CCDC42: variants seen among roughly 807,000 people sequenced by gnomAD.
CCDC42 encodes coiled-coil domain containing 42.
In CCDC42, 38 loss-of-function variants were observed where a neutral mutation model predicts 40.8. The ratio of observed to expected loss-of-function variants is 0.93; its 90% CI spans 0.72 to 1.22. The LOEUF is 1.22. CCDC42 is among the 50% of genes most tolerant of loss of function. CCDC42 has a pLI of 0.00. For synonymous variants in CCDC42, 135 were observed against 157.5 expected (o/e 0.86, Z 1.07); for missense variants, 379 against 416.5 (o/e 0.91, Z 0.78).
chr17:8,734,668 T>C (rs752768739), intron 6 of CCDC42, among the ~76,000 whole-genome samples: 15 of 152,112 alleles, frequency 9.9e-5, no homozygotes, highest in Non-Finnish European at 1.9e-4. Flanking sequence ...CAATTTCTCT[T>C]TTTAACGAAG....
chr17:8,733,472 T>A (rs942646767), intron 6 of CCDC42, among the ~76,000 whole-genome samples: 10 of 152,094 alleles, frequency 6.6e-5, no homozygotes, highest in African/African-American at 2.4e-4. Flanking sequence ...CCTGTGGGAG[T>A]GAGCTGCTGG....
intron 3 of CCDC42, among the ~76,000 whole-genome samples, chr17:8,742,567 C>T (rs2086651935): frequency 1.3e-5 from 2 of 152,190 alleles, no homozygotes; most frequent in South Asian, 2.1e-4. Context: ...CCTTCAGGGG[C>T]TCCTGTGATT....
At position 8,740,877 on chromosome 17, in the gene CCDC42, A is replaced by G. The variant is rs529391125; in HGVS notation, c.492+597T>C. Reference sequence around the variant, plus strand: ...CGGAGCCTCCATTTCCTTCTCTGTAAAAGGCTGATCAGCTTGGGTTCACCC... The same window carrying G: ...CGGAGCCTCCATTTCCTTCTCTGTAGAAGGCTGATCAGCTTGGGTTCACCC... On this transcript the variant is annotated intron_variant, in intron 4 of 6. Coordinates refer to ENST00000293845, the MANE Select transcript of CCDC42 (RefSeq NM_144681.3). Among the ~76,000 whole-genome samples the G allele has an allele frequency of 7.9e-5, 12 of 152,232 alleles. No homozygotes were observed. In the South Asian group the frequency reaches 2.5e-3, roughly 32 times the overall value.
Position 8,744,096 on chromosome 17 carries a change from T to C in CCDC42, c.172A>G (p.Met58Val), listed in dbSNP as rs777814153. 5.4e-5 allele frequency: 87 copies of C among 1,611,910 alleles called. No individual in the cohort carries two copies. The East Asian group carries it at 1.9e-3, about 34-fold the overall frequency. Residue 58 changes from methionine (M) to valine (V), a missense_variant, in exon 2 of 7, where the codon ATG (methionine) becomes GTG (valine). Coordinates refer to ENST00000293845, the MANE Select transcript of CCDC42 (RefSeq NM_144681.3). Reference protein sequence around the residue: ...KKETEIMHQTMVQKKKMFQRR... With the variant: ...KKETEIMHQTVVQKKKMFQRR... ...GTCCCCACCTTCTTCTTCTGCACCA[T>C]AGTTTGATGCATGATTTCTGTCTCC...
chr17:8,744,821 G>GT lies in CCDC42; in HGVS notation c.-213dup. On this transcript the variant is annotated 5_prime_UTR_variant, in exon 1 of 7. Coordinates refer to ENST00000293845, the MANE Select transcript of CCDC42 (RefSeq NM_144681.3). Reference sequence around the variant, plus strand: ...ATGTGCTGGGGCAGTTATGGGAGATGTGGTTACCTAGCAACAGGCTGCCTG... The same window carrying GT: ...ATGTGCTGGGGCAGTTATGGGAGATGTTGGTTACCTAGCAACAGGCTGCCTG... The GT allele has an allele frequency of 1.7e-6, 1 of 588,218 alleles. No individual in the cohort carries two copies. 36.4% of individuals were successfully genotyped at this position (588,218 alleles called of 1,614,324 possible).
At chr17:8,730,529 G>A (rs1234233724) in intron 6 of CCDC42, among the ~76,000 whole-genome samples, 1 of 151,938 alleles carries the variant, frequency 6.6e-6, no homozygotes, top group Non-Finnish European at 1.5e-5. Flanking sequence ...TAGTAGAGAT[G>A]GGGTTTCACC....
intron 4 of CCDC42, among the ~76,000 whole-genome samples, chr17:8,740,792 A>G (rs1216425241): frequency 6.6e-6 from 1 of 152,184 alleles, no homozygotes; most frequent in Non-Finnish European, 1.5e-5. Flanking sequence ...AGGAGTGGCT[A>G]AAAGCAAAGG....
chr17:8,733,273 T>C (rs1787755051), intron 6 of CCDC42, among the ~76,000 whole-genome samples: 1 of 152,230 alleles, frequency 6.6e-6, no homozygotes, highest in Non-Finnish European at 1.5e-5. Flanking sequence ...TAAGTTTAAA[T>C]CTGTAGGCGA....
chr17:8,734,375 G>T (rs562001343), intron 6 of CCDC42, among the ~76,000 whole-genome samples: 1 of 152,040 alleles, frequency 6.6e-6, no homozygotes, highest in African/African-American at 2.4e-5. Context: ...GCTTACAAAC[G>T]CCCTCCTTTG....
chr17:8,735,609 G>A lies in CCDC42; in HGVS notation c.495C>T (p.Phe165=), dbSNP rs752538761. The change falls in exon 5 of 7, where the codon TTC becomes TTT. Residue 165 remains phenylalanine, a splice_region_variant and synonymous_variant. Transcript: ENST00000293845. This position sits in a 1 kb window ranked among gnomAD's most constrained non-coding sequence, Gnocchi z 4.7. ...GTGCAATCACCTCATGGATCTCCTC[G>A]AACTGTGGTCAGGGGCTCAGGTCAA... ...YLEKVVENSE[F]EEIHEVIARY... 24 of 1,613,044 alleles carry A rather than the reference G, an allele frequency of 1.5e-5. No homozygotes were observed. Among genetic ancestry groups the A allele is most frequent in the African/African-American group, 2.7e-5 (2 of 74,868 alleles).
chr17:8,744,432 A>G (rs1374817441), intron 1 of CCDC42, 95 bp downstream of exon 1: 3 of 1,039,688 alleles, frequency 2.9e-6, no homozygotes. Flanking sequence ...GGGTTACAGG[A>G]GAGGAGGGGA....
intron 4 of CCDC42, among the ~76,000 whole-genome samples, chr17:8,738,500 C>T (rs1322900409): frequency 2.1e-5 from 3 of 144,228 alleles, no homozygotes; most frequent in African/African-American, 7.8e-5. Context: ...GAGTCTAGCT[C>T]TGTCACCCAG....
intron 1 of CCDC42, 104 bp downstream of exon 1, chr17:8,744,423 G>T (rs542442139): frequency 2.0e-6 from 2 of 976,756 alleles, no homozygotes; most frequent in Non-Finnish European, 1.6e-6. Flanking sequence ...TGGGGCACTG[G>T]GTTACAGGAG....
At chr17:8,737,020 AGAAAAG>A (rs757906543) in intron 4 of CCDC42, among the ~76,000 whole-genome samples, 1 of 147,828 alleles carries the variant, frequency 6.8e-6, no homozygotes, top group African/African-American at 2.5e-5. Context: ...AAAGAAAAAA[AGAAAAG>A]AAGAGGGAGG....
intron 1 of CCDC42, 130 bp from the exon 2 acceptor site, chr17:8,744,314 T>A: frequency 1.3e-6 from 1 of 761,720 alleles, no homozygotes; most frequent in Non-Finnish European, 2.2e-6. Context: ...GGGAAAGGGC[T>A]GTTGTGTTGA....
At chr17:8,743,262 G>T (rs1417959372) in intron 3 of CCDC42, among the ~76,000 whole-genome samples, 1 of 152,124 alleles carries the variant, frequency 6.6e-6, no homozygotes, top group African/African-American at 2.4e-5. Context: ...GGGGTGGGTG[G>T]AGGGACTAAA....
chr17:8,741,763 C>A, intron 3 of CCDC42, 92 bp from the exon 4 acceptor site: 1 of 1,249,792 alleles, frequency 8.0e-7, no homozygotes, highest in South Asian at 1.3e-5. Context: ...CCTCAGACCC[C>A]TCTGTCTGCA....
chr17:8,730,870 G>A (rs543871248), intron 6 of CCDC42, among the ~76,000 whole-genome samples: 4 of 152,318 alleles, frequency 2.6e-5, no homozygotes, highest in South Asian at 2.1e-4. Context: ...GCAGGGTTCC[G>A]TCAGCATGGG....
intron 4 of CCDC42, among the ~76,000 whole-genome samples, chr17:8,736,526 G>A (rs1389574894): frequency 6.6e-6 from 1 of 152,202 alleles, no homozygotes; most frequent in Non-Finnish European, 1.5e-5. Context: ...CTTCCTAGGG[G>A]CTTATCAAAG....
Sources: gnomAD v4.1 joint callset for allele counts (sites outside exome capture counted in the v4.1 genomes callset) on GRCh38, gnomAD v4.1.1 for gene constraint, Gnocchi (gnomAD v3.1) non-coding constraint, MANE v1.5 for transcripts, NCBI Gene and HGNC (gene_info 2026-07-23, HGNC 2026-07-21) for gene names.